MPI: variants seen among roughly 807,000 people sequenced by gnomAD.
MPI encodes mannose phosphate isomerase.
Under a neutral mutation model 40.1 loss-of-function variants are expected in MPI, and 33 were observed. The ratio of observed to expected loss-of-function variants is 0.82; its 90% CI spans 0.62 to 1.10. MPI has a LOEUF of 1.10. Among genes scored for constraint, MPI ranks in the 50% least tolerant of loss-of-function variants. The pLI is 0.00. For missense variants in MPI, 514 were observed against 524.1 expected, an observed-to-expected ratio of 0.98 and a Z score of 0.19; for synonymous variants, 187 against 207.4, an observed-to-expected ratio of 0.90 and a Z score of 0.85.
rs2064843675 is a variant in MPI, at chr15:74,897,707, T to C, written c.1249T>C (p.Phe417Leu). ...KLTEPKDLLI[F>L]RACCLL is the part of the protein sequence containing the mutation. The stretch of plus-strand genomic sequence containing the variant: ...TACTGAGCCGAAGGACCTGCTGATA[T>C]TCCGTGCCTGCTGTCTGCTGTAAAG... Residue 417 changes from phenylalanine (F) to leucine (L), a missense_variant, in exon 8 of 8, where the codon TTC becomes CTC. Phe to Leu is a conservative substitution (Grantham distance 22). Coordinates refer to ENST00000352410, the MANE Select transcript of MPI (RefSeq NM_002435.3). 1 of 1,614,106 alleles carries C rather than the reference T, an allele frequency of 6.2e-7. No individual in the cohort carries two copies. The highest frequency in any genetic ancestry group is 1.1e-5 in the South Asian group (1 of 91,082).
At position 74,895,814 on chromosome 15, in the gene MPI, C is replaced by G. The variant is rs1224730638; in HGVS notation, c.671-338C>G. On this transcript the variant is annotated intron_variant, in intron 5 of 7. Transcript: ENST00000352410. ...GCTACACATCCATCAGTACACAGGACAGCCCCCACAATAAAGAATTACCTA... is the reference window on the plus strand; with the variant it reads ...GCTACACATCCATCAGTACACAGGAGAGCCCCCACAATAAAGAATTACCTA... The G allele has an allele frequency of 8.4e-6, 3 of 355,930 alleles. No homozygotes were observed. In the East Asian group the frequency reaches 2.0e-4, roughly 24 times the overall value. The allele number at this position is 355,930 out of a possible 1,614,324, so 22.0% of individuals were successfully genotyped here. A position where few individuals can be genotyped will look rare whatever the true frequency, so the allele number is the denominator to read the frequency against.
chr15:74,896,237 T>C lies in MPI; in HGVS notation c.756T>C (p.Phe252=). 6.2e-7 allele frequency: 1 copy of C among 1,614,180 alleles called. No individual in the cohort carries two copies. The highest frequency in any genetic ancestry group is 8.5e-7 in the Non-Finnish European group (1 of 1,180,034). Residue 252 remains phenylalanine (F), a synonymous_variant, in exon 6 of 8, where the codon TTT becomes TTC. Transcript: ENST00000352410. ...AGTACCCAGGTGATATCGGCTGCTTTGCCATCTACTTCCTGAACCTGCTTA... is the reference window on the plus strand; with the variant it reads ...AGTACCCAGGTGATATCGGCTGCTTCGCCATCTACTTCCTGAACCTGCTTA... ...HQQYPGDIGC[F]AIYFLNLLTL...
rs894515412 is a variant in MPI at position 74,900,840 on chromosome 15, A to T, written c.*3110A>T. On this transcript the variant is annotated 3_prime_UTR_variant, in exon 8 of 8. Coordinates refer to ENST00000352410, the MANE Select transcript of MPI (RefSeq NM_002435.3). ...CTGTGATGCTCCTAGCTAGTAGAGT[A>T]AGTCAGCCCCCAGATACTGTATATT... 4 of 152,190 alleles carry T rather than the reference A, an allele frequency of 2.6e-5. No homozygotes were observed. The highest frequency in any genetic ancestry group is 9.7e-5 in the African/African-American group (4 of 41,434). 9.4% of individuals were successfully genotyped at this position (152,190 alleles called of 1,614,324 possible). A position where few individuals can be genotyped will look rare whatever the true frequency, so the allele number is the denominator to read the frequency against.
chr15:74,893,487 G>T, intron 5 of MPI, 167 bp downstream of exon 5: 1 of 739,348 alleles, frequency 1.4e-6, no homozygotes. Flanking sequence ...TAGTCTTTGT[G>T]GAGCAGGGCC....
chr15:74,893,000 G>C, intron 4 of MPI, 138 bp from the exon 5 acceptor site: 1 of 1,334,586 alleles, frequency 7.5e-7, no homozygotes, highest in Non-Finnish European at 1.1e-6. Flanking sequence ...GTGAGTGATT[G>C]GTTTCCACTG....
chr15:74,893,309 T>C lies in MPI; in HGVS notation c.659T>C (p.Ile220Thr). The change falls in exon 5 of 8, where the codon ATC (isoleucine) becomes ACC (threonine). Residue 220 changes from isoleucine to threonine, a missense_variant. By Grantham distance (89) the Ile-to-Thr change is moderately conservative. Coordinates refer to ENST00000352410, the MANE Select transcript of MPI (RefSeq NM_002435.3). ...VEQLNLLVKR[I>T]SQQAAAGNNM... is the part of the protein sequence containing the mutation. Reference sequence around the variant, plus strand: ...CAGCTCAACCTGTTGGTGAAGCGGATCTCCCAGCAAGGTGGACACAGTTAT... The same window carrying C: ...CAGCTCAACCTGTTGGTGAAGCGGACCTCCCAGCAAGGTGGACACAGTTAT... 1.9e-6 allele frequency: 3 copies of C among 1,614,164 alleles called. No individual in the cohort carries two copies. In the South Asian group the frequency reaches 3.3e-5, roughly 18 times the overall value.
At chr15:74,892,127 G>A (rs1406891747) in intron 3 of MPI, among the ~76,000 whole-genome samples, 1 of 152,030 alleles carries the variant, frequency 6.6e-6, no homozygotes, top group Non-Finnish European at 1.5e-5. Context: ...GCAAATAGCT[G>A]GGACTACAGG....
rs775482937 is a variant in MPI, at chr15:74,897,763, C to T, written c.*33C>T. On this transcript the variant is annotated 3_prime_UTR_variant, in exon 8 of 8. Coordinates refer to ENST00000352410, the MANE Select transcript of MPI (RefSeq NM_002435.3). The stretch of plus-strand genomic sequence containing the variant: ...AGCCTCCCCAGCTCTCCTCTGCCAG[C>T]CACCCTAAATTCCAGCCAACCTCAC... 4 of 1,604,722 alleles carry T rather than the reference C, an allele frequency of 2.5e-6. No homozygotes were observed. The highest frequency in any genetic ancestry group is 3.4e-6 in the Non-Finnish European group (4 of 1,172,830).
Position 74,893,858 on chromosome 15 carries a change from C to T in MPI, c.670+538C>T, listed in dbSNP as rs1024330490. ...AAGCAGTAAGAAACCCAAAACAGAA[C>T]AGACTCCCAGCAATGAGCTTATGTG... On this transcript the variant is annotated intron_variant, in intron 5 of 7. Transcript: ENST00000352410. The T allele has an allele frequency of 2.1e-5, 4 of 186,346 alleles. No individual in the cohort carries two copies. In the South Asian group the frequency reaches 5.0e-4, roughly 23 times the overall value. The allele number at this position is 186,346 out of a possible 1,614,324, so 11.5% of individuals were successfully genotyped here.
chr15:74,893,357 C>T (rs769466995), intron 5 of MPI, 37 bp downstream of exon 5: 25 of 1,609,818 alleles, frequency 1.6e-5, no homozygotes, highest in Non-Finnish European at 2.0e-5. Flanking sequence ...GTGCAATGCT[C>T]TGGCCTGGGC....
chr15:74,897,287 G>A, intron 7 of MPI, 68 bp downstream of exon 7: 1 of 1,569,252 alleles, frequency 6.4e-7, no homozygotes. Flanking sequence ...TCACGATGTG[G>A]AGGACACCTG....
At position 74,891,411 on chromosome 15, in the gene MPI, C is replaced by T. The variant is rs2064724687; in HGVS notation, c.177C>T (p.Ala59=). ...LWMGTHPRGD[A]KILDNRISQK... is the part of the protein sequence containing the mutation. ...TGGGGACTCACCCCCGAGGGGATGC[C>T]AAGATCCTTGACAACCGCATCTCAC... The change falls in exon 3 of 8, where the codon GCC becomes GCT. Residue 59 remains alanine, a synonymous_variant. Coordinates refer to ENST00000352410, the MANE Select transcript of MPI (RefSeq NM_002435.3). The T allele has an allele frequency of 6.2e-7, 1 of 1,614,184 alleles. No homozygotes were observed. The highest frequency in any genetic ancestry group is 8.5e-7 in the Non-Finnish European group (1 of 1,180,038).
rs2064865093 is a variant in MPI at position 74,898,892 on chromosome 15, A to C, written c.*1162A>C. 2 of 152,352 alleles carry C rather than the reference A, an allele frequency of 1.3e-5. No individual in the cohort carries two copies. Among genetic ancestry groups the C allele is most frequent in the African/African-American group, 4.8e-5 (2 of 41,464 alleles). 9.4% of individuals were successfully genotyped at this position (152,352 alleles called of 1,614,324 possible). On this transcript the variant is annotated 3_prime_UTR_variant, in exon 8 of 8. Transcript: ENST00000352410. ...GGAGGGGTCCGCAAACCAGGCTGGC[A>C]GGCCAGTTCTGGCCATACCTGTTCA... is the stretch of plus-strand genomic sequence containing the variant.
chr15:74,894,039 AGTGTGTGTGT>A (rs1163375284), intron 5 of MPI, among the ~76,000 whole-genome samples: 2,342 of 56,778 alleles, frequency 0.041, 60 homozygotes, highest in Non-Finnish European at 0.057. Context: ...TTTTCTGTTC[AGTGTGTGTGT>A]GTGTGTGTGT....
At chr15:74,892,926 GT>G in intron 4 of MPI, 124 bp downstream of exon 4, 1 of 1,519,030 alleles carries the variant, frequency 6.6e-7, no homozygotes. Flanking sequence ...TCATGAAGCA[GT>G]TTTTGGAGCC....
rs1555478772 is a variant in MPI at position 74,894,107 on chromosome 15, T to TGTGTGTTTTTCTGAGCCAG, written c.670+788_670+789insTGTGTTTTTCTGAGCCAGG. Among the ~76,000 whole-genome samples the TGTGTGTTTTTCTGAGCCAG allele has an allele frequency of 3.3e-5, 2 of 60,958 alleles. 1 individual carries two copies. The allele number at this position is 60,958 out of a possible 152,430, so 40.0% of individuals were successfully genotyped here. A position where few individuals can be genotyped will look rare whatever the true frequency, so the allele number is the denominator to read the frequency against. ...GTGTGTGTGTGTGTGTGTGTGTGTG[T>TGTGTGTTTTTCTGAGCCAG]GGTCTCTTTCTGTTGCCCCAGGCTG... On this transcript the variant is annotated intron_variant, in intron 5 of 7. Transcript: ENST00000352410.
intron 6 of MPI, chr15:74,896,804 G>A (rs1042809522): frequency 1.3e-4 from 86 of 658,950 alleles, no homozygotes; most frequent in Non-Finnish European, 1.7e-4. Context: ...ACCCCCAGGG[G>A]TTAACATGAC....
intron 5 of MPI, 108 bp from the exon 6 acceptor site, chr15:74,896,044 T>C (rs2064812625): frequency 7.2e-6 from 10 of 1,390,142 alleles, no homozygotes; most frequent in South Asian, 1.2e-5. Context: ...CTTTGGCTTC[T>C]GGATTCCTGT....
chr15:74,891,324 AC>A, intron 2 of MPI, 54 bp from the exon 3 acceptor site: 2 of 1,560,076 alleles, frequency 1.3e-6, no homozygotes, highest in South Asian at 2.2e-5. Flanking sequence ...GGACAGGCCA[AC>A]TCAGGGTGGC....
Sources: allele counts gnomAD v4.1 joint callset (sites outside exome capture counted in the v4.1 genomes callset), GRCh38; gene constraint gnomAD v4.1.1; transcripts MANE v1.5; gene names NCBI Gene and HGNC (gene_info 2026-07-23, HGNC 2026-07-21).